SEM1: variants seen among roughly 807,000 people sequenced by gnomAD.
SEM1 encodes SEM1 26S proteasome subunit, also known as 26S proteasome complex subunit SEM1.
In SEM1, 3 loss-of-function variants were observed where a neutral mutation model predicts 12.7. The observed-to-expected ratio is 0.24, with a 90% CI of 0.11 to 0.61. The LOEUF is 0.61. SEM1 is among the 20% of genes least tolerant of loss of function. SEM1 has a pLI of 0.88. For synonymous variants in SEM1, 30 were observed against 27.8 expected (o/e 1.08, Z -0.25); for missense variants, 59 against 81.3 (o/e 0.73, Z 1.06).
At chr7:96,496,285 T>C in exon 1 of SEM1, 2 of 1,518,104 alleles carry the variant, frequency 1.3e-6, no homozygotes, top group Non-Finnish European at 1.8e-6. Flanking sequence ...AGTTCCTACC[T>C]GGCAATACAT....
intron 2 of SEM1, chr7:96,506,746 A>G (rs1477695542): frequency 6.6e-6 from 1 of 152,148 alleles, no homozygotes; most frequent in Non-Finnish European, 1.5e-5. Flanking sequence ...ACTTGCACAT[A>G]TAATTGCAAG....
chr7:96,633,200 T>C (rs1808326415), intron 2 of SEM1, among the ~76,000 whole-genome samples: 1 of 152,116 alleles, frequency 6.6e-6, no homozygotes, highest in African/African-American at 2.4e-5. Flanking sequence ...TTATTTAAGA[T>C]ATTGCAAGAA....
intron 2 of SEM1, among the ~76,000 whole-genome samples, chr7:96,606,623 C>A (rs181735880): frequency 3.3e-5 from 5 of 152,272 alleles, no homozygotes; most frequent in South Asian, 2.1e-4. Flanking sequence ...ATTTTTCATC[C>A]AAGTCCAGAA....
chr7:96,540,223 T>A lies in SEM1; in HGVS notation c.171-33525A>T, dbSNP rs190903441. Among the ~76,000 whole-genome samples the A allele has an allele frequency of 9.9e-4, 150 of 151,662 alleles. 1 individual carries two copies. In the East Asian group the frequency reaches 0.025, roughly 26 times the overall value. ...TTAAAACTTTATGACAAAGAAAACA[T>A]CACCAATTAATAAAATTAGGCTGCA... On this transcript the variant is annotated intron_variant and NMD_transcript_variant, in intron 2 of 3. Coordinates refer to the SEM1 transcript ENST00000466986.
intron 2 of SEM1, among the ~76,000 whole-genome samples, chr7:96,517,427 T>G (rs550394647): frequency 6.6e-6 from 1 of 152,280 alleles, no homozygotes; most frequent in Admixed American, 6.5e-5. Context: ...ACTCTAGACA[T>G]GGAGTTTGAG....
chr7:96,704,014 C>CACACACAT (rs3219557), intron 1 of SEM1, among the ~76,000 whole-genome samples: 5 of 149,072 alleles, frequency 3.4e-5, no homozygotes, highest in Non-Finnish European at 5.9e-5. Context: ...CACACACATA[C>CACACACAT]ATAAAAGAAC....
intron 2 of SEM1, among the ~76,000 whole-genome samples, chr7:96,562,256 G>T (rs932898100): frequency 2.0e-5 from 3 of 152,156 alleles, no homozygotes; most frequent in East Asian, 3.9e-4. Flanking sequence ...TGAGAAGGTT[G>T]ACTAACCTTT....
intron 2 of SEM1, among the ~76,000 whole-genome samples, chr7:96,585,967 C>G (rs1296029349): frequency 6.6e-6 from 1 of 152,154 alleles, no homozygotes; most frequent in Non-Finnish European, 1.5e-5. Flanking sequence ...CGGAGCTGTT[C>G]CTATTACTCA....
intron 2 of SEM1, among the ~76,000 whole-genome samples, chr7:96,573,469 C>CA (rs1417677238): frequency 6.6e-6 from 1 of 152,162 alleles, no homozygotes; most frequent in Non-Finnish European, 1.5e-5. Context: ...CTAGTGGTGA[C>CA]AAAATCTCTC....
chr7:96,514,221 T>C (rs1361113658), intron 2 of SEM1, among the ~76,000 whole-genome samples: 1 of 152,152 alleles, frequency 6.6e-6, no homozygotes, highest in East Asian at 1.9e-4. Context: ...AATTGTTCTT[T>C]AAAATGTTGC....
At chr7:96,626,031 T>C (rs1445155062) in intron 2 of SEM1, among the ~76,000 whole-genome samples, 1 of 152,200 alleles carries the variant, frequency 6.6e-6, no homozygotes, top group Non-Finnish European at 1.5e-5. Context: ...CCAATTATAC[T>C]CTTTCAGTTA....
chr7:96,508,635 T>A (rs1053482944), intron 2 of SEM1, among the ~76,000 whole-genome samples: 1 of 152,150 alleles, frequency 6.6e-6, no homozygotes, highest in Non-Finnish European at 1.5e-5. Flanking sequence ...ATCATGTGGT[T>A]AGCAATCCAC....
At position 96,613,671 on chromosome 7, in the gene SEM1, T is replaced by C. The variant is rs115550977; in HGVS notation, c.170+81127A>G. On this transcript the variant is annotated intron_variant and NMD_transcript_variant, in intron 2 of 3. Coordinates refer to the SEM1 transcript ENST00000466986. Reference sequence around the variant, plus strand: ...CCTGTCCAGCTGAAACTTTGTACCATTTAGCCAATGTCTCTCCTTTCTCTG... The same window carrying C: ...CCTGTCCAGCTGAAACTTTGTACCACTTAGCCAATGTCTCTCCTTTCTCTG... Among the ~76,000 whole-genome samples, 952 of 152,322 alleles carry C rather than the reference T, an allele frequency of 6.2e-3. 9 individuals carry two copies. Among genetic ancestry groups the C allele is most frequent in the African/African-American group, 0.021 (893 of 41,572 alleles).
intron 3 of SEM1, among the ~76,000 whole-genome samples, chr7:96,484,163 G>GT (rs1342048887): frequency 6.6e-6 from 1 of 152,146 alleles, no homozygotes; most frequent in Non-Finnish European, 1.5e-5. Context: ...AAGATAGCTA[G>GT]TAAGTGGCAA....
chr7:96,670,390 T>C (rs775166518), downstream of SEM1, among the ~76,000 whole-genome samples: 6 of 152,140 alleles, frequency 3.9e-5, no homozygotes, highest in Non-Finnish European at 5.9e-5. Context: ...AATATACTCT[T>C]TTTTAACCAC....
At chr7:96,687,224 G>A (rs562615807), downstream of SEM1, among the ~76,000 whole-genome samples, 467 of 152,324 alleles carry the variant, frequency 3.1e-3, 1 homozygote, top group Middle Eastern at 0.017. Flanking sequence ...GGAAGTCAGT[G>A]TGGCGATTCC....
intron 2 of SEM1, among the ~76,000 whole-genome samples, chr7:96,666,697 G>T (rs10270486): frequency 0.12 from 17,157 of 146,526 alleles, 1,566 homozygotes; most frequent in African/African-American, 0.25. Context: ...TGTGATGCCT[G>T]AGGCTTGCCC....
chr7:96,670,642 T>C (rs1290730210), downstream of SEM1, among the ~76,000 whole-genome samples: 1 of 152,212 alleles, frequency 6.6e-6, no homozygotes, highest in Non-Finnish European at 1.5e-5. Context: ...ACCAAATTTC[T>C]AAACTGAAGC....
At chr7:96,690,361 C>A (rs1312803417) in intron 2 of SEM1, among the ~76,000 whole-genome samples, 1 of 152,000 alleles carries the variant, frequency 6.6e-6, no homozygotes, top group Non-Finnish European at 1.5e-5. Flanking sequence ...GGTGGCTGGT[C>A]ACTAACTGCA....
Sources: gnomAD v4.1 joint callset for allele counts (sites outside exome capture counted in the v4.1 genomes callset) on GRCh38, gnomAD v4.1.1 for gene constraint, MANE v1.5 for transcripts, NCBI Gene and HGNC (gene_info 2026-07-23, HGNC 2026-07-21) for gene names.